Variants in RAC1 observed in about 807,000 individuals in gnomAD.
RAC1 encodes the protein ras-related C3 botulinum toxin substrate 1.
In RAC1, 2 loss-of-function variants were observed where a neutral mutation model predicts 25.2. The observed-to-expected ratio is 0.08, with a 90% CI of 0.03 to 0.25. The LOEUF (loss-of-function observed/expected upper bound fraction) is 0.25, where lower values mean the gene tolerates loss of function less well. RAC1 is among the 10% of genes least tolerant of loss of function. The probability of loss-of-function intolerance (pLI) is 1.00; values close to 1 mark genes in which losing one functional copy is unlikely to be tolerated. For missense variants in RAC1, 50 were observed against 235.7 expected (o/e 0.21, Z 5.16); for synonymous variants, 88 against 94.0 (o/e 0.94, Z 0.37).
chr7:6,383,748 T>C (rs756304545), intron 1 of RAC1, among the ~76,000 whole-genome samples: 20 of 145,944 alleles, frequency 1.4e-4, no homozygotes, highest in Non-Finnish European at 2.7e-4. Flanking sequence ...TGACACTGAG[T>C]GGCAACTATT....
At chr7:6,385,546 G>C (rs1225290566) in intron 1 of RAC1, among the ~76,000 whole-genome samples, 1 of 152,156 alleles carries the variant, frequency 6.6e-6, no homozygotes. Flanking sequence ...CGAAATGTAT[G>C]TCCAATGAGT....
intron 3 of RAC1, 36 bp from the exon 4 acceptor site, chr7:6,400,090 G>A: frequency 6.4e-7 from 1 of 1,560,980 alleles, no homozygotes; most frequent in South Asian, 1.1e-5. Context: ...TTCTAAGGTT[G>A]TTGTCTAAAT....
intron 1 of RAC1, among the ~76,000 whole-genome samples, chr7:6,383,415 C>G (rs984334694): frequency 7.4e-6 from 1 of 134,808 alleles, no homozygotes; most frequent in East Asian, 2.4e-4. Context: ...TTGCACTAAG[C>G]TTAAATATAA....
At chr7:6,388,180 C>G (rs982216476) in intron 2 of RAC1, among the ~76,000 whole-genome samples, 2 of 151,954 alleles carry the variant, frequency 1.3e-5, no homozygotes, top group Non-Finnish European at 2.9e-5. Flanking sequence ...GCGCACGTAG[C>G]TGAGCCTCAT....
intron 1 of RAC1, among the ~76,000 whole-genome samples, chr7:6,375,605 G>A (rs1479006057): frequency 6.6e-6 from 1 of 151,782 alleles, no homozygotes; most frequent in Admixed American, 6.6e-5. Flanking sequence ...CGTGGAGAAA[G>A]TTTTGAAGAT....
intron 2 of RAC1, among the ~76,000 whole-genome samples, chr7:6,390,961 A>C (rs1476231969): frequency 6.6e-6 from 1 of 152,028 alleles, no homozygotes; most frequent in Non-Finnish European, 1.5e-5. Flanking sequence ...GCAGTGGCGC[A>C]ACTTGGCCCA....
chr7:6,390,548 C>G (rs1342664026), intron 2 of RAC1, among the ~76,000 whole-genome samples: 3 of 151,026 alleles, frequency 2.0e-5, no homozygotes, highest in Non-Finnish European at 3.0e-5. Context: ...TGCAGTGAGC[C>G]GAGATCGCAC....
intron 1 of RAC1, among the ~76,000 whole-genome samples, chr7:6,386,995 G>A (rs1583262421): frequency 7.7e-6 from 1 of 130,636 alleles, no homozygotes; most frequent in East Asian, 2.3e-4. Flanking sequence ...GATGGCTCCT[G>A]ACTCTATCTT....
At chr7:6,377,407 A>G (rs1022086346) in intron 1 of RAC1, among the ~76,000 whole-genome samples, 1 of 152,050 alleles carries the variant, frequency 6.6e-6, no homozygotes, top group Non-Finnish European at 1.5e-5. Context: ...CAGCCTGGGC[A>G]ACATGGCGAG....
intron 1 of RAC1, among the ~76,000 whole-genome samples, chr7:6,385,933 C>A (rs1467675147): frequency 1.3e-5 from 2 of 152,154 alleles, no homozygotes; most frequent in African/African-American, 4.8e-5. Context: ...CTCATGTAAG[C>A]CCTTAAGCTT....
At chr7:6,390,316 C>T (rs1409732476) in intron 2 of RAC1, among the ~76,000 whole-genome samples, 2 of 151,764 alleles carry the variant, frequency 1.3e-5, no homozygotes, top group African/African-American at 4.8e-5. Context: ...AATAATACCA[C>T]CTTACCCGGG....
At chr7:6,398,409 G>C (rs1303796086) in intron 3 of RAC1, among the ~76,000 whole-genome samples, 1 of 152,192 alleles carries the variant, frequency 6.6e-6, no homozygotes, top group Non-Finnish European at 1.5e-5. Context: ...GGAGGAGCAC[G>C]TTGTTGCCCC....
intron 3 of RAC1, among the ~76,000 whole-genome samples, chr7:6,394,371 C>CT (rs2115204789): frequency 6.6e-6 from 1 of 152,320 alleles, no homozygotes; most frequent in Non-Finnish European, 1.5e-5. Context: ...AAAATCTTTG[C>CT]TAAGTTCTGC....
chr7:6,374,555 G>A lies in RAC1; in HGVS notation c.-181G>A, dbSNP rs1782521653. 5.0e-6 allele frequency: 1 copy of A among 201,914 alleles called. No homozygotes were observed. Among genetic ancestry groups the A allele is most frequent in the South Asian group, 1.7e-4 (1 of 5,964 alleles). The allele number at this position is 201,914 out of a possible 1,614,324, so 12.5% of individuals were successfully genotyped here. On this transcript the variant is annotated 5_prime_UTR_variant, in exon 1 of 6. Transcript: ENST00000348035. ...TTTCTCTGCAGTTTTCCTCAGCTTT[G>A]GGTGGTGGCCGCTGCCGGGCATCGG...
intron 1 of RAC1, among the ~76,000 whole-genome samples, chr7:6,378,429 C>T (rs1230433892): frequency 6.6e-6 from 1 of 151,840 alleles, no homozygotes; most frequent in Non-Finnish European, 1.5e-5. Flanking sequence ...GCCTGTAATC[C>T]CAGCTACTCA....
At chr7:6,380,891 T>C (rs1249495926) in intron 1 of RAC1, among the ~76,000 whole-genome samples, 2 of 152,188 alleles carry the variant, frequency 1.3e-5, no homozygotes, top group Admixed American at 6.6e-5. Flanking sequence ...CTTTTTGAGG[T>C]GGAGTCTTGC....
chr7:6,386,960 A>C (rs1782940046), intron 1 of RAC1, among the ~76,000 whole-genome samples: 1 of 151,882 alleles, frequency 6.6e-6, no homozygotes, highest in Admixed American at 6.6e-5. Flanking sequence ...TATTAATGCT[A>C]ACACCGGGTA....
chr7:6,399,942 C>T (rs1335284569), intron 3 of RAC1, 184 bp from the exon 4 acceptor site: 10 of 598,770 alleles, frequency 1.7e-5, no homozygotes, highest in Admixed American at 9.1e-5. Context: ...GGTGGCTTGA[C>T]ATGCTGGGTT....
chr7:6,376,839 C>G (rs1400975484), intron 1 of RAC1, among the ~76,000 whole-genome samples: 2 of 133,924 alleles, frequency 1.5e-5, no homozygotes, highest in East Asian at 2.5e-4. Flanking sequence ...ATTTCTAAAA[C>G]TAAAACATAA....
Sources: allele counts gnomAD v4.1 joint callset (sites outside exome capture counted in the v4.1 genomes callset), GRCh38; gene constraint gnomAD v4.1.1; transcripts MANE v1.5; gene names NCBI Gene and HGNC (gene_info 2026-07-23, HGNC 2026-07-21).